The following KDM4B variants were observed in gnomAD, a reference collection of about 807,000 sequenced individuals.
KDM4B encodes the protein lysine-specific demethylase 4B.
A neutral mutation model predicts 125.2 loss-of-function variants in KDM4B; 32 were observed. That is an observed-to-expected ratio of 0.26 (90% CI 0.19 to 0.34). The LOEUF (loss-of-function observed/expected upper bound fraction) is 0.34. Among genes scored for constraint, KDM4B ranks in the 10% least tolerant of loss-of-function variants. KDM4B has a pLI of 1.00. For synonymous variants in KDM4B, 721 were observed against 677.9 expected (o/e 1.06, Z -0.99); for missense variants, 1,190 against 1,577.7 (o/e 0.75, Z 4.16).
At chr19:5,084,952 C>G (rs926657597) in intron 9 of KDM4B, among the ~76,000 whole-genome samples, 1 of 151,890 alleles carries the variant, frequency 6.6e-6, no homozygotes, top group Admixed American at 6.6e-5. Context: ...GTGATCCACC[C>G]ACCTCGGCCT....
intron 1 of KDM4B, among the ~76,000 whole-genome samples, chr19:4,990,959 A>G (rs1223756360): frequency 6.6e-6 from 1 of 151,952 alleles, no homozygotes; most frequent in Non-Finnish European, 1.5e-5. Flanking sequence ...CGTCTTTACT[A>G]AAAATACAAA....
At chr19:5,132,033 T>C (rs1260540037) in intron 13 of KDM4B, 26 bp downstream of exon 13, 4 of 1,586,884 alleles carry the variant, frequency 2.5e-6, no homozygotes, top group Non-Finnish European at 3.4e-6. Context: ...CCAGGTCGGC[T>C]CTCATCAGCC....
chr19:5,060,600 G>C (rs1472327490), intron 6 of KDM4B, among the ~76,000 whole-genome samples: 1 of 152,080 alleles, frequency 6.6e-6, no homozygotes, highest in African/African-American at 2.4e-5. Flanking sequence ...TCCCCACTGA[G>C]GTCGAATAAT....
chr19:4,986,720 C>T (rs866561634), intron 1 of KDM4B, among the ~76,000 whole-genome samples: 4 of 152,210 alleles, frequency 2.6e-5, no homozygotes, highest in East Asian at 3.9e-4. Context: ...GACCTCTGAG[C>T]GACTCACACC....
At chr19:5,077,255 C>A in intron 7 of KDM4B, 112 bp from the exon 8 acceptor site, 1 of 862,690 alleles carries the variant, frequency 1.2e-6, no homozygotes, top group Non-Finnish European at 1.9e-6. Flanking sequence ...TCTGTGCTCC[C>A]ACACGCCCGC....
intron 1 of KDM4B, among the ~76,000 whole-genome samples, chr19:4,969,589 G>T (rs2034173983): frequency 6.6e-6 from 1 of 151,772 alleles, no homozygotes. Flanking sequence ...CCCCGGCCGG[G>T]CCCTTTTATC....
intron 6 of KDM4B, among the ~76,000 whole-genome samples, chr19:5,064,413 C>T (rs1016849910): frequency 4.0e-5 from 6 of 149,364 alleles, no homozygotes; most frequent in Admixed American, 3.4e-4. Context: ...GCCGACATCT[C>T]TGAAGGGCTC....
intron 1 of KDM4B, among the ~76,000 whole-genome samples, chr19:4,996,068 G>T (rs578128400): frequency 3.9e-5 from 6 of 152,064 alleles, no homozygotes; most frequent in African/African-American, 7.2e-5. Context: ...TCAGCTCACC[G>T]CAGCCTCCTC....
intron 6 of KDM4B, among the ~76,000 whole-genome samples, chr19:5,055,194 G>A (rs2037357653): frequency 1.3e-5 from 2 of 152,208 alleles, no homozygotes; most frequent in South Asian, 4.1e-4. Flanking sequence ...GTGTCCCCAA[G>A]GACTGGGAGA....
At chr19:4,990,578 A>G (rs1281566866) in intron 1 of KDM4B, among the ~76,000 whole-genome samples, 1 of 152,164 alleles carries the variant, frequency 6.6e-6, no homozygotes, top group Admixed American at 6.5e-5. Context: ...CAAAGCTCAC[A>G]TGCCGTGTTT....
intron 1 of KDM4B, among the ~76,000 whole-genome samples, chr19:5,014,277 T>C (rs1371185026): frequency 1.3e-5 from 2 of 152,082 alleles, no homozygotes; most frequent in African/African-American, 2.4e-5. Flanking sequence ...GCTAAGTGTT[T>C]TGTTTTGTTT....
Position 5,093,589 on chromosome 19 carries a change from C to T in KDM4B, c.918+11085C>T, listed in dbSNP as rs559321631. On this transcript the variant is annotated intron_variant, in intron 9 of 22. Coordinates refer to ENST00000159111, the MANE Select transcript of KDM4B (RefSeq NM_015015.3). The stretch of plus-strand genomic sequence containing the variant: ...ACAGGGGGCCCACTCGTCCTTCCCA[C>T]GCGTTCTGTGAGCCATCAGCGCAGA... Among the ~76,000 whole-genome samples, 42 of 152,384 alleles carry T rather than the reference C, an allele frequency of 2.8e-4. No homozygotes were observed. The South Asian group carries it at 6.4e-3, about 23-fold the overall frequency.
chr19:4,981,503 G>T (rs1230067587), intron 1 of KDM4B, among the ~76,000 whole-genome samples: 2 of 152,176 alleles, frequency 1.3e-5, no homozygotes, highest in African/African-American at 4.8e-5. Flanking sequence ...CCCTGACAGG[G>T]TTGTGAGCCT....
rs1204026157 is a variant in KDM4B, at chr19:5,144,432, AG to A, written c.2901+25del. ...ATCACGGTGAGCTGTGGGGTGGGGC[AG>A]GGGGCGGGGGGAGGCTGGGAGCACA... is the stretch of plus-strand genomic sequence containing the variant. On this transcript the variant is annotated intron_variant, in intron 20 of 22. Coordinates refer to ENST00000159111, the MANE Select transcript of KDM4B (RefSeq NM_015015.3). The A allele has an allele frequency of 2.1e-5, 9 of 420,138 alleles. No homozygotes were observed. Among genetic ancestry groups the A allele is most frequent in the South Asian group, 1.7e-4 (9 of 54,504 alleles). 26.0% of individuals were successfully genotyped at this position (420,138 alleles called of 1,614,324 possible).
At chr19:5,010,223 G>C (rs778797947) in intron 1 of KDM4B, among the ~76,000 whole-genome samples, 1 of 152,200 alleles carries the variant, frequency 6.6e-6, no homozygotes, top group Non-Finnish European at 1.5e-5. Context: ...TTTGTAGAAG[G>C]AACTTCCCTT....
intron 3 of KDM4B, among the ~76,000 whole-genome samples, chr19:5,036,391 G>A (rs1302012027): frequency 2.0e-5 from 3 of 152,238 alleles, no homozygotes; most frequent in Non-Finnish European, 4.4e-5. Flanking sequence ...CTGGGTGCAG[G>A]AAGCCTTCCA....
Position 5,089,611 on chromosome 19 carries a change from A to G in KDM4B, c.918+7107A>G, listed in dbSNP as rs1239041430. Among the ~76,000 whole-genome samples, 9 of 151,718 alleles carry G rather than the reference A, an allele frequency of 5.9e-5. No homozygotes were observed. The East Asian group carries it at 7.8e-4, about 13-fold the overall frequency. On this transcript the variant is annotated intron_variant, in intron 9 of 22. Transcript: ENST00000159111. ...CTGGGAAAGGGAGATTTGCCCAAGT[A>G]TTGGTTGATATTAGTTTGATGTCAT...
intron 9 of KDM4B, among the ~76,000 whole-genome samples, chr19:5,090,627 G>A (rs886242642): frequency 1.0e-5 from 1 of 100,454 alleles, no homozygotes; most frequent in Non-Finnish European, 2.0e-5. Flanking sequence ...TCTCCCCGCT[G>A]CGCGCGTGCG....
intron 2 of KDM4B, among the ~76,000 whole-genome samples, chr19:5,024,066 C>T (rs1042735896): frequency 2.7e-4 from 41 of 152,176 alleles, no homozygotes; most frequent in African/African-American, 8.9e-4. Flanking sequence ...ATTTTTAAAC[C>T]GATTCTTTGT....
Sources: allele counts gnomAD v4.1 joint callset (sites outside exome capture counted in the v4.1 genomes callset), GRCh38; gene constraint gnomAD v4.1.1; transcripts MANE v1.5; gene names NCBI Gene and HGNC (gene_info 2026-07-23, HGNC 2026-07-21).